The following USP36 variants were observed in gnomAD, a reference collection of about 807,000 sequenced individuals.
USP36 encodes ubiquitin carboxyl-terminal hydrolase 36.
In USP36, 59 loss-of-function variants were observed where a neutral mutation model predicts 111.5. The ratio of observed to expected loss-of-function variants is 0.53; its 90% CI spans 0.43 to 0.66. USP36 has a LOEUF of 0.66. USP36 is among the 30% of genes least tolerant of loss of function. USP36 has a pLI of 0.00. For missense variants in USP36, 1,488 were observed against 1,468.0 expected, an observed-to-expected ratio of 1.01 and a Z score of -0.22; for synonymous variants, 628 against 581.0, an observed-to-expected ratio of 1.08 and a Z score of -1.16.
At chr17:78,833,913 T>A (rs748146249) in intron 4 of USP36, among the ~76,000 whole-genome samples, 6 of 152,162 alleles carry the variant, frequency 3.9e-5, no homozygotes, top group Admixed American at 2.0e-4. Context: ...CTCTATTCTT[T>A]GGAAGAACGT....
At position 78,798,385 on chromosome 17, in the gene USP36, C is replaced by A. The variant is rs367602203; in HGVS notation, c.*20+15G>T. 6.2e-7 allele frequency: 1 copy of A among 1,613,314 alleles called. No individual in the cohort carries two copies. The highest frequency in any genetic ancestry group is 1.1e-5 in the South Asian group (1 of 91,080). On this transcript the variant is annotated intron_variant, in intron 20 of 20. Transcript: ENST00000449938. The surrounding 1 kb of genome is among the most constrained non-coding windows in gnomAD (Gnocchi z 5.1). ...ACCCCCACCTCACCCTTACACCCACCCCCTCGGAACCGACCTCCTTCCACA... is the reference window on the plus strand; with the variant it reads ...ACCCCCACCTCACCCTTACACCCACACCCTCGGAACCGACCTCCTTCCACA...
At chr17:78,818,119 C>T (rs901862885) in intron 10 of USP36, among the ~76,000 whole-genome samples, 1 of 152,082 alleles carries the variant, frequency 6.6e-6, no homozygotes, top group African/African-American at 2.4e-5. Context: ...AAAATACCAT[C>T]GTGTCAAAAG....
At position 78,840,032 on chromosome 17, in the gene USP36, G is replaced by T. The variant is rs1401662252; in HGVS notation, c.-174+704C>A. On this transcript the variant is annotated intron_variant, in intron 1 of 20. Coordinates refer to ENST00000449938, the MANE Select transcript of USP36 (RefSeq NM_001385174.1). ...GGGGAGAGGAGCCCACGGAAGCAGC[G>T]GCCTCCCGGGGCCCAGCGCCGCGCT... 2.0e-5 allele frequency among the ~76,000 whole-genome samples: 3 copies of T among 152,224 alleles called. No individual in the cohort carries two copies. In the East Asian group the frequency reaches 5.8e-4, roughly 29 times the overall value.
chr17:78,837,503 C>A (rs1309013196), intron 2 of USP36, among the ~76,000 whole-genome samples: 3 of 152,060 alleles, frequency 2.0e-5, no homozygotes, highest in Non-Finnish European at 4.4e-5. Flanking sequence ...TTGGGAAGTG[C>A]TTTAGAGCTT....
At position 78,807,001 on chromosome 17, in the gene USP36, C is replaced by T. The variant is rs1598999846; in HGVS notation, c.2043G>A (p.Met681Ile). ...SNTTTEPAST[M>I]SPPPAKKLAL... The stretch of plus-strand genomic sequence containing the variant: ...CCAGTTTTTTGGCTGGTGGAGGAGA[C>T]ATGGTGCTTGCAGGCTCAGTGGTGG... Residue 681 changes from methionine (M) to isoleucine (I), a missense_variant, in exon 14 of 21, where the codon ATG becomes ATA. Transcript: ENST00000449938. 6.2e-7 allele frequency: 1 copy of T among 1,614,238 alleles called. No individual in the cohort carries two copies. The highest frequency in any genetic ancestry group is 8.5e-7 in the Non-Finnish European group (1 of 1,180,040).
At position 78,796,849 on chromosome 17, in the gene USP36, T is replaced by C. The variant is rs2093636919; in HGVS notation, c.*1051A>G. ...GTCACCTTCACACTTCCCACTACTA[T>C]GAGGGCATTTGTCTTTTTCCTGAAA... On this transcript the variant is annotated 3_prime_UTR_variant, in exon 21 of 21. Transcript: ENST00000449938. 6.6e-6 allele frequency: 1 copy of C among 152,260 alleles called. No homozygotes were observed. Among genetic ancestry groups the C allele is most frequent in the Admixed American group, 6.5e-5 (1 of 15,288 alleles). The allele number at this position is 152,260 out of a possible 1,614,324, so 9.4% of individuals were successfully genotyped here.
At position 78,797,135 on chromosome 17, in the gene USP36, C is replaced by T. The variant is rs1318491379; in HGVS notation, c.*765G>A. On this transcript the variant is annotated 3_prime_UTR_variant, in exon 21 of 21. Coordinates refer to ENST00000449938, the MANE Select transcript of USP36 (RefSeq NM_001385174.1). The stretch of plus-strand genomic sequence containing the variant: ...GAGAATTCTACCCCAAAGCCTCCAC[C>T]TCAGTGAAGACCTGCGGGTTATTGC... The T allele has an allele frequency of 6.6e-6, 1 of 152,242 alleles. No homozygotes were observed. The highest frequency in any genetic ancestry group is 1.5e-5 in the Non-Finnish European group (1 of 68,048). The allele number at this position is 152,242 out of a possible 1,614,324, so 9.4% of individuals were successfully genotyped here.
At chr17:78,837,944 G>A (rs2068833291) in intron 2 of USP36, among the ~76,000 whole-genome samples, 1 of 152,208 alleles carries the variant, frequency 6.6e-6, no homozygotes, top group Admixed American at 6.5e-5. Flanking sequence ...GAAAAGCCAG[G>A]TGCAGTGGCC....
intron 3 of USP36, among the ~76,000 whole-genome samples, chr17:78,788,129 G>A (rs919735655): frequency 6.6e-6 from 1 of 151,888 alleles, no homozygotes; most frequent in South Asian, 2.1e-4. Flanking sequence ...AGCTCTGCAA[G>A]TTGTGTTTAA....
intron 6 of USP36, among the ~76,000 whole-genome samples, chr17:78,823,442 A>G (rs1486315582): frequency 6.6e-6 from 1 of 152,174 alleles, no homozygotes; most frequent in Non-Finnish European, 1.5e-5. Context: ...AGGAAGCACA[A>G]CTGTCACCTT....
chr17:78,835,921 GCA>G, intron 3 of USP36, 188 bp downstream of exon 3: 1 of 808,832 alleles, frequency 1.2e-6, no homozygotes, highest in Non-Finnish European at 1.9e-6. Context: ...GATCCACCAA[GCA>G]CACAGATTTC....
At chr17:78,809,307 A>G (rs2093991810) in intron 13 of USP36, among the ~76,000 whole-genome samples, 1 of 152,152 alleles carries the variant, frequency 6.6e-6, no homozygotes, top group East Asian at 1.9e-4. Context: ...ATTTACCTCT[A>G]TTTTCTTCCA....
At position 78,807,248 on chromosome 17, in the gene USP36, T is replaced by C. The variant is rs1397010005; in HGVS notation, c.1796A>G (p.Asn599Ser). Residue 599 changes from asparagine to serine, a missense_variant, in exon 14 of 21, where the codon AAC (asparagine) becomes AGC (serine). Physicochemically the swap from Asn to Ser is conservative, Grantham distance 46. Coordinates refer to ENST00000449938, the MANE Select transcript of USP36 (RefSeq NM_001385174.1). ...CCTGTCGAGGCCAGCGCTCTCGTCG[T>C]TCCCCTTCAGCCCATGCCCGTTGGC... Reference protein sequence around the residue: ...ATANGHGLKGNDESAGLDRRG... With the variant: ...ATANGHGLKGSDESAGLDRRG... 7 of 1,614,106 alleles carry C rather than the reference T, an allele frequency of 4.3e-6. No homozygotes were observed. Among genetic ancestry groups the C allele is most frequent in the South Asian group, 2.2e-5 (2 of 91,080 alleles).
At chr17:78,815,013 C>G (rs911394914) in intron 10 of USP36, among the ~76,000 whole-genome samples, 1 of 150,312 alleles carries the variant, frequency 6.7e-6, no homozygotes, top group African/African-American at 2.4e-5. Context: ...CAACGCTGTG[C>G]AGGAGCTCCC....
At position 78,803,952 on chromosome 17, in the gene USP36, G is replaced by C. The variant is rs750901899; in HGVS notation, c.2243C>G (p.Ser748Cys). 3.7e-6 allele frequency: 6 copies of C among 1,600,456 alleles called. No homozygotes were observed. In the African/African-American group the frequency reaches 8.0e-5, roughly 21 times the overall value. The change falls in exon 16 of 21, where the codon TCC becomes TGC. Residue 748 changes from serine (S) to cysteine (C), a missense_variant. Around this residue, in one of 3 missense-constraint regions of USP36, gnomAD observed 1,073 missense variants for 994.1 expected, o/e 1.08. Coordinates refer to ENST00000449938, the MANE Select transcript of USP36 (RefSeq NM_001385174.1). This position sits in a 1 kb window ranked among gnomAD's most constrained non-coding sequence, Gnocchi z 4.6. The stretch of plus-strand genomic sequence containing the variant: ...GCTGAAGGGGGGTTGCAGGCGGCTG[G>C]ATGATTGGGGAGCAGGTGACACAGC... ...ARAVSPAPQS[S>C]SRLQPPFSPH...
At chr17:78,812,716 AAAG>A in intron 13 of USP36, 141 bp downstream of exon 13, 9 of 843,956 alleles carry the variant, frequency 1.1e-5, no homozygotes, top group South Asian at 5.6e-5. Context: ...AAAAAAAAAA[AAAG>A]AAAAGAAAAG....
At chr17:78,799,296 A>G (rs562083288) in intron 18 of USP36, among the ~76,000 whole-genome samples, 1 of 152,212 alleles carries the variant, frequency 6.6e-6, no homozygotes, top group African/African-American at 2.4e-5. Flanking sequence ...CTGAGGAACA[A>G]AGATGTCATG....
Position 78,798,061 on chromosome 17 carries a change from A to G in USP36, c.*21-182T>C. The G allele has an allele frequency of 3.8e-6, 1 of 266,292 alleles. No individual in the cohort carries two copies. Among genetic ancestry groups the G allele is most frequent in the South Asian group, 8.1e-5 (1 of 12,300 alleles). 16.5% of individuals were successfully genotyped at this position (266,292 alleles called of 1,614,324 possible). A position where few individuals can be genotyped will look rare whatever the true frequency, so the allele number is the denominator to read the frequency against. On this transcript the variant is annotated intron_variant, in intron 20 of 20. Transcript: ENST00000449938. The surrounding 1 kb of genome is among the most constrained non-coding windows in gnomAD (Gnocchi z 5.1). Reference sequence around the variant, plus strand: ...CAGATATACACACAACCCACATCCCACACACACCCCACACATGCCCTTCTC... The same window carrying G: ...CAGATATACACACAACCCACATCCCGCACACACCCCACACATGCCCTTCTC...
chr17:78,839,166 T>C (rs1461300800), intron 1 of USP36, among the ~76,000 whole-genome samples: 1 of 152,214 alleles, frequency 6.6e-6, no homozygotes, highest in Non-Finnish European at 1.5e-5. Context: ...GATTTTCTCT[T>C]TCATTACCAT....
Sources: allele counts gnomAD v4.1 joint callset (sites outside exome capture counted in the v4.1 genomes callset), GRCh38; gene constraint gnomAD v4.1.1; regional missense constraint gnomAD v4.1.1; non-coding constraint Gnocchi (gnomAD v3.1); transcripts MANE v1.5; gene names NCBI Gene and HGNC (gene_info 2026-07-23, HGNC 2026-07-21).